The following SPOCK1 variants were observed in gnomAD, a reference collection of about 807,000 sequenced individuals.
SPOCK1 encodes the protein testican-1.
Under a neutral mutation model 55.3 loss-of-function variants are expected in SPOCK1, and 23 were observed. The observed-to-expected ratio is 0.42, with a 90% CI of 0.30 to 0.59. The LOEUF is 0.59. Among genes scored for constraint, SPOCK1 ranks in the 20% least tolerant of loss-of-function variants. The pLI is 0.22. For synonymous variants in SPOCK1, 226 were observed against 221.0 expected, an observed-to-expected ratio of 1.02 and a Z score of -0.20; for missense variants, 499 against 552.5, an observed-to-expected ratio of 0.90 and a Z score of 0.97.
chr5:137,270,206 A>T (rs1756935869), intron 2 of SPOCK1, among the ~76,000 whole-genome samples: 1 of 152,262 alleles, frequency 6.6e-6, no homozygotes, highest in Non-Finnish European at 1.5e-5. Context: ...CATATTGGAT[A>T]GATCAAACTT....
intron 3 of SPOCK1, among the ~76,000 whole-genome samples, chr5:137,249,711 C>T (rs1580828926): frequency 6.6e-6 from 1 of 152,168 alleles, no homozygotes; most frequent in East Asian, 1.9e-4. Flanking sequence ...CAATTCCAAG[C>T]TGTCAGTTCA....
chr5:137,232,577 A>G (rs1171778068), intron 3 of SPOCK1, among the ~76,000 whole-genome samples: 1 of 152,206 alleles, frequency 6.6e-6, no homozygotes, highest in Non-Finnish European at 1.5e-5. Flanking sequence ...TGTCTTGATT[A>G]CTGTAGCTAT....
chr5:137,421,366 C>T (rs1466852553), intron 2 of SPOCK1, among the ~76,000 whole-genome samples: 2 of 152,262 alleles, frequency 1.3e-5, no homozygotes, highest in East Asian at 3.9e-4. Flanking sequence ...AACTTTCTGT[C>T]TCGTTGATCT....
intron 2 of SPOCK1, among the ~76,000 whole-genome samples, chr5:137,356,119 A>G (rs1423965029): frequency 6.6e-6 from 1 of 152,146 alleles, no homozygotes; most frequent in Non-Finnish European, 1.5e-5. Context: ...AAAGCACACC[A>G]AGCTCTGCGA....
intron 2 of SPOCK1, among the ~76,000 whole-genome samples, chr5:137,270,816 A>G (rs1756946588): frequency 6.6e-6 from 1 of 152,156 alleles, no homozygotes; most frequent in Non-Finnish European, 1.5e-5. Context: ...CAGCCTGGCC[A>G]ACATGGTGAA....
At chr5:137,081,457 C>T (rs1752876681) in intron 5 of SPOCK1, among the ~76,000 whole-genome samples, 1 of 152,176 alleles carries the variant, frequency 6.6e-6, no homozygotes, top group Non-Finnish European at 1.5e-5. Flanking sequence ...TCAAAAAAAG[C>T]CATTAAGATC....
At chr5:137,360,272 T>C (rs1750912748) in intron 2 of SPOCK1, among the ~76,000 whole-genome samples, 1 of 152,166 alleles carries the variant, frequency 6.6e-6, no homozygotes, top group Non-Finnish European at 1.5e-5. Context: ...GGGAAGAGTG[T>C]TGGTTTGAGT....
chr5:137,272,689 T>C (rs963185836), intron 2 of SPOCK1, among the ~76,000 whole-genome samples: 1 of 151,114 alleles, frequency 6.6e-6, no homozygotes, highest in Non-Finnish European at 1.5e-5. Flanking sequence ...AGCCTGGGAG[T>C]TGTCTGCATT....
intron 5 of SPOCK1, among the ~76,000 whole-genome samples, chr5:137,089,307 T>C (rs1434212886): frequency 6.6e-6 from 1 of 152,236 alleles, no homozygotes; most frequent in Non-Finnish European, 1.5e-5. Context: ...TTTTCTAATT[T>C]TCTGGTTAGT....
At chr5:137,050,470 G>T (rs1225265736) in intron 6 of SPOCK1, among the ~76,000 whole-genome samples, 1 of 150,802 alleles carries the variant, frequency 6.6e-6, no homozygotes, top group East Asian at 2.0e-4. Flanking sequence ...GGGCTTCCCA[G>T]GTGAGGCAAT....
chr5:137,292,819 A>T (rs1349355176), intron 2 of SPOCK1, among the ~76,000 whole-genome samples: 2 of 152,194 alleles, frequency 1.3e-5, no homozygotes, highest in African/African-American at 4.8e-5. Context: ...CCATAAATCC[A>T]CTGATTTATC....
intron 5 of SPOCK1, among the ~76,000 whole-genome samples, chr5:137,099,572 G>C (rs1330640741): frequency 9.7e-6 from 1 of 102,576 alleles, no homozygotes; most frequent in African/African-American, 4.5e-5. Context: ...AAATATATAT[G>C]TGTGTGTATA....
chr5:137,422,158 G>A (rs1435441361), intron 2 of SPOCK1, among the ~76,000 whole-genome samples: 8 of 152,190 alleles, frequency 5.3e-5, no homozygotes, highest in African/African-American at 1.4e-4. Flanking sequence ...AGTTTCTGCC[G>A]AGAGATACGC....
At chr5:136,979,178 G>A (rs556352046) in intron 10 of SPOCK1, among the ~76,000 whole-genome samples, 154 bp downstream of exon 10, 56 of 152,244 alleles carry the variant, frequency 3.7e-4, no homozygotes, top group Middle Eastern at 3.4e-3. Context: ...TAGCTACACG[G>A]GAGCTCATGT....
At position 137,112,539 on chromosome 5, in the gene SPOCK1, G is replaced by C. The variant is rs770045171; in HGVS notation, c.370C>G (p.Gln124Glu). Residue 124 changes from glutamine to glutamate, a missense_variant, in exon 5 of 11, where the codon CAG becomes GAG. By Grantham distance (29) the Gln-to-Glu change is conservative. Coordinates refer to ENST00000394945, the MANE Select transcript of SPOCK1 (RefSeq NM_004598.4). ...TTCGAAGGTCCAACCCAGTGTTTCT[G>C]GGCCACGTTCCCCTTCTTTTGCCTA... is the stretch of plus-strand genomic sequence containing the variant. ...LPRQKKGNVA[Q>E]KHWVGPSNLV... 4 of 1,613,524 alleles carry C rather than the reference G, an allele frequency of 2.5e-6. No homozygotes were observed. In the South Asian group the frequency reaches 4.4e-5, roughly 18 times the overall value.
chr5:137,044,216 G>C (rs1752059772), intron 6 of SPOCK1, among the ~76,000 whole-genome samples: 1 of 152,186 alleles, frequency 6.6e-6, no homozygotes, highest in African/African-American at 2.4e-5. Context: ...TGACGCATCA[G>C]GAGTTCACCA....
intron 2 of SPOCK1, among the ~76,000 whole-genome samples, chr5:137,380,216 G>A (rs202104061): frequency 2.0e-5 from 3 of 152,152 alleles, no homozygotes; most frequent in African/African-American, 4.8e-5. Context: ...GGTGGCGGCC[G>A]GGGGAAAGGT....
chr5:137,362,643 T>C (rs1308242272), intron 2 of SPOCK1, among the ~76,000 whole-genome samples: 5 of 152,160 alleles, frequency 3.3e-5, no homozygotes. Flanking sequence ...ACTTTTAATG[T>C]AAAGGGCCAG....
intron 2 of SPOCK1, among the ~76,000 whole-genome samples, chr5:137,367,310 G>A (rs1477023529): frequency 2.6e-5 from 4 of 152,120 alleles, no homozygotes; most frequent in Non-Finnish European, 5.9e-5. Flanking sequence ...TACCATCCCT[G>A]AACAGTCACA....
Sources: gnomAD v4.1 joint callset for allele counts (sites outside exome capture counted in the v4.1 genomes callset) on GRCh38, gnomAD v4.1.1 for gene constraint, MANE v1.5 for transcripts, NCBI Gene and HGNC (gene_info 2026-07-23, HGNC 2026-07-21) for gene names.